CCDC85A: variants seen among roughly 807,000 people sequenced by gnomAD.
The protein encoded by CCDC85A is coiled-coil domain-containing protein 85A.
A neutral mutation model predicts 50.2 loss-of-function variants in CCDC85A; 38 were observed. That is an observed-to-expected ratio of 0.76 (90% CI 0.58 to 0.99). CCDC85A has a LOEUF of 0.99. Ranked by LOEUF, CCDC85A falls within the 50% of genes least tolerant of loss-of-function variation. The pLI is 0.00. For synonymous variants in CCDC85A, 366 were observed against 301.4 expected (o/e 1.21, Z -2.22); for missense variants, 820 against 742.0 (o/e 1.11, Z -1.22).
At chr2:56,326,167 C>A (rs925433870) in intron 2 of CCDC85A, among the ~76,000 whole-genome samples, 12 of 152,062 alleles carry the variant, frequency 7.9e-5, no homozygotes, top group African/African-American at 2.7e-4. Context: ...CTTTGCTGGG[C>A]ACACCTCAGG....
chr2:56,292,481 A>G (rs1407566247), intron 2 of CCDC85A, among the ~76,000 whole-genome samples: 1 of 152,216 alleles, frequency 6.6e-6, no homozygotes, highest in East Asian at 1.9e-4. Flanking sequence ...AGGGACCTAT[A>G]GACCCCTCTG....
At chr2:56,370,823 C>T (rs1263832779) in intron 3 of CCDC85A, among the ~76,000 whole-genome samples, 1 of 151,838 alleles carries the variant, frequency 6.6e-6, no homozygotes, top group Admixed American at 6.6e-5. Flanking sequence ...AAGTAGAATG[C>T]CTATATGTTT....
Position 56,319,010 on chromosome 2 carries a change from T to C in CCDC85A, c.1241-23869T>C, listed in dbSNP as rs150573442. 2.0e-4 allele frequency among the ~76,000 whole-genome samples: 30 copies of C among 152,198 alleles called. No homozygotes were observed. In the East Asian group the frequency reaches 4.5e-3, roughly 23 times the overall value. On this transcript the variant is annotated intron_variant, in intron 2 of 5. Transcript: ENST00000407595. ...GATTGTAGTCCTAGATCTGCCGTCATGATGCTGGAGCAGGAGCAGAGTAAA... is the reference window on the plus strand; with the variant it reads ...GATTGTAGTCCTAGATCTGCCGTCACGATGCTGGAGCAGGAGCAGAGTAAA...
chr2:56,366,595 T>A (rs1301249062), intron 3 of CCDC85A, among the ~76,000 whole-genome samples: 1 of 152,240 alleles, frequency 6.6e-6, no homozygotes, highest in African/African-American at 2.4e-5. Context: ...TTCAATTGGG[T>A]TGTTTCCTTG....
At chr2:56,190,944 C>T (rs1478647811) in intron 1 of CCDC85A, among the ~76,000 whole-genome samples, 1 of 152,190 alleles carries the variant, frequency 6.6e-6, no homozygotes, top group Non-Finnish European at 1.5e-5. Flanking sequence ...CAAAGCCTTT[C>T]CCGTCGCTGA....
rs891375548 is a variant in CCDC85A at position 56,184,880 on chromosome 2, G to A, written c.256G>A (p.Gly86Ser). ...GAACCGCCGCCTGCAGCTGCACCTC[G>A]GCGAGATCCGCGGCCTCAAGGTGAG... ...EVNRRLQLHL[G>S]EIRGLKDINQ... Residue 86 changes from glycine to serine, a missense_variant, in exon 1 of 6, where the codon GGC becomes AGC. By Grantham distance (56) the Gly-to-Ser change is moderately conservative (BLOSUM62 0). Coordinates refer to ENST00000407595, the MANE Select transcript of CCDC85A (RefSeq NM_001080433.2). 3 of 1,524,340 alleles carry A rather than the reference G, an allele frequency of 2.0e-6. No homozygotes were observed. The highest frequency in any genetic ancestry group is 2.6e-6 in the Non-Finnish European group (3 of 1,139,216). 94.4% of individuals were successfully genotyped at this position (1,524,340 alleles called of 1,614,324 possible).
intron 2 of CCDC85A, among the ~76,000 whole-genome samples, chr2:56,303,224 T>C (rs1672286926): frequency 6.6e-6 from 1 of 152,196 alleles, no homozygotes; most frequent in Non-Finnish European, 1.5e-5. Flanking sequence ...GGGTTATGTC[T>C]CTTTCCTCTG....
At chr2:56,249,081 C>G (rs1669635926) in intron 2 of CCDC85A, among the ~76,000 whole-genome samples, 1 of 152,230 alleles carries the variant, frequency 6.6e-6, no homozygotes, top group Non-Finnish European at 1.5e-5. Context: ...GCAGGACCTT[C>G]TCTCTTCTTC....
intron 2 of CCDC85A, among the ~76,000 whole-genome samples, chr2:56,216,698 A>T (rs1233646762): frequency 2.8e-5 from 4 of 140,782 alleles, no homozygotes; most frequent in Non-Finnish European, 4.7e-5. Context: ...TCATTTTTCT[A>T]TTTTATTTTT....
intron 3 of CCDC85A, among the ~76,000 whole-genome samples, chr2:56,370,323 G>A (rs550114414): frequency 4.6e-5 from 7 of 152,194 alleles, no homozygotes; most frequent in East Asian, 1.9e-4. Flanking sequence ...GCCTTCATTA[G>A]TGTATAAATA....
chr2:56,268,249 G>T (rs895546798), intron 2 of CCDC85A, among the ~76,000 whole-genome samples: 2 of 152,104 alleles, frequency 1.3e-5, no homozygotes, highest in African/African-American at 4.8e-5. Flanking sequence ...GATCTGCAGA[G>T]ACAGATTCAG....
chr2:56,327,585 T>A (rs1001948131), intron 2 of CCDC85A, among the ~76,000 whole-genome samples: 1 of 152,182 alleles, frequency 6.6e-6, no homozygotes, highest in Admixed American at 6.6e-5. Context: ...CTGTGACAAA[T>A]GATATCCCAG....
At chr2:56,221,107 A>G (rs966606385) in intron 2 of CCDC85A, among the ~76,000 whole-genome samples, 23 of 151,996 alleles carry the variant, frequency 1.5e-4, no homozygotes, top group Non-Finnish European at 1.9e-4. Context: ...TAGTATACCA[A>G]TGGCAAACAC....
rs193219094 is a variant in CCDC85A at position 56,368,887 on chromosome 2, T to G, written c.1318-3457T>G. Among the ~76,000 whole-genome samples the G allele has an allele frequency of 1.8e-3, 268 of 152,148 alleles. 3 individuals are homozygous for G. The highest frequency in any genetic ancestry group is 6.2e-3 in the African/African-American group (258 of 41,570). Reference sequence around the variant, plus strand: ...AATAAGAAACTCAGTATATTTGTTTTCCATTTTTCTGGCGTGCAAACAAAA... The same window carrying G: ...AATAAGAAACTCAGTATATTTGTTTGCCATTTTTCTGGCGTGCAAACAAAA... On this transcript the variant is annotated intron_variant, in intron 3 of 5. Transcript: ENST00000407595.
At chr2:56,292,595 A>G (rs1288424995) in intron 2 of CCDC85A, among the ~76,000 whole-genome samples, 1 of 152,194 alleles carries the variant, frequency 6.6e-6, no homozygotes, top group Non-Finnish European at 1.5e-5. Flanking sequence ...GCCTGCTTTT[A>G]GTGTTGTAGG....
intron 3 of CCDC85A, among the ~76,000 whole-genome samples, chr2:56,356,598 G>A (rs1183086835): frequency 3.3e-5 from 5 of 152,048 alleles, no homozygotes; most frequent in East Asian, 1.9e-4. Context: ...GCCAGGCATG[G>A]TGGCAGACAC....
chr2:56,264,902 G>T (rs936610731), intron 2 of CCDC85A, among the ~76,000 whole-genome samples: 5 of 152,130 alleles, frequency 3.3e-5, no homozygotes, highest in African/African-American at 1.2e-4. Flanking sequence ...CCTTTTGCCT[G>T]CAGGTACTTG....
At chr2:56,336,137 A>C (rs939789702) in intron 2 of CCDC85A, among the ~76,000 whole-genome samples, 4 of 151,882 alleles carry the variant, frequency 2.6e-5, no homozygotes, top group African/African-American at 9.7e-5. Flanking sequence ...TTTTCCTCAT[A>C]TACACTCTTT....
intron 2 of CCDC85A, among the ~76,000 whole-genome samples, chr2:56,338,158 C>T (rs759967229): frequency 1.3e-5 from 2 of 152,090 alleles, no homozygotes; most frequent in African/African-American, 4.8e-5. Flanking sequence ...TTTGGAGCCT[C>T]ATTCTCAGAG....
Sources: gnomAD v4.1 joint callset for allele counts (sites outside exome capture counted in the v4.1 genomes callset) on GRCh38, gnomAD v4.1.1 for gene constraint, MANE v1.5 for transcripts, NCBI Gene and HGNC (gene_info 2026-07-23, HGNC 2026-07-21) for gene names.